The following NEK11 variants were observed in gnomAD, a reference collection of about 807,000 sequenced individuals.
The protein encoded by NEK11 is NIMA related kinase 11, also known as serine/threonine-protein kinase Nek11.
Under a neutral mutation model 80.7 loss-of-function variants are expected in NEK11, and 72 were observed. That is an observed-to-expected ratio of 0.89 (90% CI 0.74 to 1.08). NEK11 has a LOEUF of 1.08. Ranked by LOEUF, NEK11 falls within the 50% of genes least tolerant of loss-of-function variation. NEK11 has a pLI of 0.00. For synonymous variants in NEK11, 251 were observed against 260.7 expected (o/e 0.96, Z 0.36); for missense variants, 764 against 763.6 (o/e 1.00, Z -0.01).
rs2096996916 is a variant in NEK11, at chr3:131,327,860, TG to T, written c.1719-21696del. ...TTCTCTACTCTCTCTCCTATTTCCC[TG>T]TTTTTATTTTGTAGCACTGAAAAAA... On this transcript the variant is annotated intron_variant, in intron 17 of 17. Transcript: ENST00000383366. The T allele has an allele frequency of 2.0e-5, 3 of 152,316 alleles. No homozygotes were observed. In the East Asian group the frequency reaches 5.8e-4, roughly 29 times the overall value. The allele number at this position is 152,316 out of a possible 1,614,324, so 9.4% of individuals were successfully genotyped here.
chr3:131,243,403 G>A (rs778363727), intron 15 of NEK11, 33 bp from the exon 16 acceptor site: 1 of 1,600,030 alleles, frequency 6.2e-7, no homozygotes, highest in East Asian at 2.2e-5. Context: ...CTACCATACA[G>A]GGAAAATAAA....
At chr3:131,120,600 C>T (rs750348801) in intron 5 of NEK11, among the ~76,000 whole-genome samples, 7 of 152,172 alleles carry the variant, frequency 4.6e-5, no homozygotes, top group Admixed American at 1.3e-4. Flanking sequence ...TTCTCCCTGT[C>T]GCTTTCAGGT....
intron 17 of NEK11, among the ~76,000 whole-genome samples, chr3:131,315,632 T>C (rs1307629704): frequency 2.6e-5 from 4 of 151,878 alleles, no homozygotes; most frequent in Non-Finnish European, 5.9e-5. Context: ...GCCATGGTGG[T>C]TTGCTGCACA....
chr3:131,283,821 G>T (rs77215081), intron 17 of NEK11, among the ~76,000 whole-genome samples: 1 of 152,066 alleles, frequency 6.6e-6, no homozygotes, highest in Non-Finnish European at 1.5e-5. Context: ...AAGTTTGTAC[G>T]TAACAAAAGC....
chr3:131,290,394 T>C (rs897026054), intron 17 of NEK11, among the ~76,000 whole-genome samples: 1 of 152,228 alleles, frequency 6.6e-6, no homozygotes, highest in African/African-American at 2.4e-5. Context: ...CAGAATTATT[T>C]TGCACTGTAT....
intron 3 of NEK11, among the ~76,000 whole-genome samples, chr3:131,042,145 G>T (rs1362077682): frequency 6.6e-6 from 1 of 152,130 alleles, no homozygotes; most frequent in East Asian, 1.9e-4. Flanking sequence ...AGCGCCCTGG[G>T]TTTCAAGCAC....
At chr3:131,048,829 T>A (rs2067861393) in intron 3 of NEK11, among the ~76,000 whole-genome samples, 1 of 152,206 alleles carries the variant, frequency 6.6e-6, no homozygotes, top group Non-Finnish European at 1.5e-5. Flanking sequence ...TTTTCTAGTG[T>A]CCTGGCTAGT....
At chr3:131,339,106 C>T (rs983922806) in intron 17 of NEK11, among the ~76,000 whole-genome samples, 2 of 152,126 alleles carry the variant, frequency 1.3e-5, no homozygotes, top group Non-Finnish European at 2.9e-5. Context: ...CTTCTATTTT[C>T]CCCTCCTTTC....
intron 14 of NEK11, among the ~76,000 whole-genome samples, chr3:131,198,128 G>A (rs924173403): frequency 3.3e-5 from 5 of 152,202 alleles, no homozygotes; most frequent in South Asian, 2.1e-4. Flanking sequence ...TCTAGTGCCC[G>A]AGTGAGGGCT....
At chr3:131,197,788 C>T (rs750057676) in intron 14 of NEK11, among the ~76,000 whole-genome samples, 19 of 152,080 alleles carry the variant, frequency 1.2e-4, no homozygotes, top group Non-Finnish European at 2.4e-4. Flanking sequence ...CTTGGTTTCC[C>T]GGAGTGGATT....
chr3:131,229,561 C>T (rs1290048308), intron 15 of NEK11, among the ~76,000 whole-genome samples: 1 of 151,898 alleles, frequency 6.6e-6, no homozygotes, highest in Non-Finnish European at 1.5e-5. Context: ...AGATGATTCA[C>T]TCCAAAAATC....
chr3:131,159,301 C>T (rs1206906393), intron 10 of NEK11, among the ~76,000 whole-genome samples: 1 of 152,082 alleles, frequency 6.6e-6, no homozygotes, highest in Non-Finnish European at 1.5e-5. Flanking sequence ...GCTGAAATGA[C>T]AGAAATAGAA....
intron 16 of NEK11, among the ~76,000 whole-genome samples, chr3:131,245,301 TTGTGTG>T (rs4044352): frequency 3.3e-4 from 46 of 140,800 alleles, no homozygotes; most frequent in Non-Finnish European, 5.0e-4. Flanking sequence ...TAGTATTCCA[TTGTGTG>T]TGTGTGTGTG....
intron 13 of NEK11, 64 bp downstream of exon 13, chr3:131,169,001 G>A (rs1347627202): frequency 1.9e-5 from 25 of 1,282,902 alleles, no homozygotes; most frequent in Non-Finnish European, 2.8e-5. Context: ...AGAGAACAAA[G>A]GGGAAAGAAA....
intron 14 of NEK11, among the ~76,000 whole-genome samples, chr3:131,223,448 G>A (rs1453880845): frequency 6.6e-6 from 1 of 152,108 alleles, no homozygotes; most frequent in African/African-American, 2.4e-5. Flanking sequence ...AGGGACTAAG[G>A]CTGTCTGTAC....
intron 7 of NEK11, among the ~76,000 whole-genome samples, chr3:131,143,184 T>C (rs1184089404): frequency 2.0e-5 from 3 of 152,214 alleles, no homozygotes; most frequent in African/African-American, 7.2e-5. Flanking sequence ...AGCCCTGAAC[T>C]ATTTTGCTCC....
At chr3:131,334,866 T>G (rs1457411617) in intron 17 of NEK11, among the ~76,000 whole-genome samples, 1 of 152,198 alleles carries the variant, frequency 6.6e-6, no homozygotes, top group African/African-American at 2.4e-5. Context: ...CTAGAAAATC[T>G]AGAAGAAATG....
At chr3:131,030,282 C>T (rs2109256961) in intron 3 of NEK11, among the ~76,000 whole-genome samples, 1 of 151,492 alleles carries the variant, frequency 6.6e-6, no homozygotes, top group Non-Finnish European at 1.5e-5. Context: ...CTCTTTATAC[C>T]AAAGCAAGTA....
chr3:131,120,900 C>T (rs1960891), intron 5 of NEK11, among the ~76,000 whole-genome samples: 138,395 of 152,200 alleles, frequency 0.91, 63,444 homozygotes, highest in Non-Finnish European at 0.95. Flanking sequence ...TCAAGGTTTT[C>T]ATCTTCTTTG....
Sources: allele counts gnomAD v4.1 joint callset (sites outside exome capture counted in the v4.1 genomes callset), GRCh38; gene constraint gnomAD v4.1.1; transcripts MANE v1.5; gene names NCBI Gene and HGNC (gene_info 2026-07-23, HGNC 2026-07-21).